The following CALN1 variants were observed in gnomAD, a reference collection of about 807,000 sequenced individuals.
CALN1 encodes calneuron 1.
In CALN1, 17 loss-of-function variants were observed where a neutral mutation model predicts 30.6. The ratio of observed to expected loss-of-function variants is 0.56; its 90% CI spans 0.38 to 0.83. The LOEUF (loss-of-function observed/expected upper bound fraction) is 0.83, where lower values mean the gene tolerates loss of function less well. CALN1 is among the 40% of genes least tolerant of loss of function. The pLI, the probability that CALN1 is intolerant of heterozygous loss-of-function variation, is 0.00. For synonymous variants in CALN1, 156 were observed against 131.4 expected, an observed-to-expected ratio of 1.19 and a Z score of -1.28; for missense variants, 291 against 354.9, an observed-to-expected ratio of 0.82 and a Z score of 1.45.
At chr7:72,339,421 C>CT (rs1802280405) in intron 2 of CALN1, among the ~76,000 whole-genome samples, 1 of 152,136 alleles carries the variant, frequency 6.6e-6, no homozygotes, top group African/African-American at 2.4e-5. Context: ...CTGAGTACCC[C>CT]TCCCCTACCC....
intron 5 of CALN1, among the ~76,000 whole-genome samples, chr7:71,878,878 G>A (rs1379736733): frequency 6.6e-6 from 1 of 152,216 alleles, no homozygotes; most frequent in Non-Finnish European, 1.5e-5. Flanking sequence ...AGCTCCAAGA[G>A]GAGCAGAAGA....
At chr7:72,096,036 C>T (rs1806194970) in intron 4 of CALN1, among the ~76,000 whole-genome samples, 1 of 134,972 alleles carries the variant, frequency 7.4e-6, no homozygotes, top group Non-Finnish European at 1.6e-5. Flanking sequence ...GAGACCTTGT[C>T]TCTAAAAGAT....
chr7:72,387,166 T>C (rs1471233854), intron 2 of CALN1, among the ~76,000 whole-genome samples: 4 of 137,664 alleles, frequency 2.9e-5, no homozygotes, highest in Non-Finnish European at 6.2e-5. Flanking sequence ...TCCATACTTA[T>C]GAAAATACAT....
At chr7:72,080,515 AT>A (rs1403873363) in intron 4 of CALN1, among the ~76,000 whole-genome samples, 1 of 152,142 alleles carries the variant, frequency 6.6e-6, no homozygotes, top group African/African-American at 2.4e-5. Context: ...TGTTCAACTA[AT>A]GTCTGTGGAA....
chr7:71,894,686 T>C (rs569816445), intron 5 of CALN1, among the ~76,000 whole-genome samples: 130 of 152,342 alleles, frequency 8.5e-4, no homozygotes, highest in African/African-American at 3.1e-3. Context: ...AGCACAATGA[T>C]CTATGCATTA....
chr7:72,207,637 C>T (rs542374484), intron 3 of CALN1, among the ~76,000 whole-genome samples: 1 of 152,222 alleles, frequency 6.6e-6, no homozygotes, highest in East Asian at 1.9e-4. Flanking sequence ...TTATATGTCT[C>T]CCCTGCCAAA....
At chr7:72,363,395 T>C (rs994040713) in intron 2 of CALN1, among the ~76,000 whole-genome samples, 3 of 152,064 alleles carry the variant, frequency 2.0e-5, no homozygotes, top group Admixed American at 1.3e-4. Flanking sequence ...GGCACCACCA[T>C]GTCCGGCTAA....
chr7:72,126,172 G>C (rs1374927720), intron 3 of CALN1, among the ~76,000 whole-genome samples: 1 of 152,066 alleles, frequency 6.6e-6, no homozygotes, highest in Admixed American at 6.5e-5. Flanking sequence ...ACAATGTTTG[G>C]TTTTCCATTC....
chr7:71,806,381 A>G (rs905917988), intron 6 of CALN1, among the ~76,000 whole-genome samples: 1 of 147,102 alleles, frequency 6.8e-6, no homozygotes, highest in African/African-American at 2.6e-5. Flanking sequence ...ATCTTGGTTC[A>G]CTGCAACCTC....
At chr7:72,098,501 T>G (rs10276411) in intron 4 of CALN1, among the ~76,000 whole-genome samples, 147 of 152,114 alleles carry the variant, frequency 9.7e-4, no homozygotes, top group African/African-American at 3.4e-3. Context: ...GCCAGGAACT[T>G]GAGACCAACC....
At chr7:71,827,665 A>G (rs1340401057) in intron 5 of CALN1, among the ~76,000 whole-genome samples, 8 of 151,886 alleles carry the variant, frequency 5.3e-5, no homozygotes, top group African/African-American at 1.9e-4. Flanking sequence ...CCAGCTACTC[A>G]GGAGGCTGAG....
At chr7:71,991,593 G>GA (rs966809096) in intron 5 of CALN1, among the ~76,000 whole-genome samples, 2 of 151,086 alleles carry the variant, frequency 1.3e-5, no homozygotes, top group Admixed American at 6.6e-5. Flanking sequence ...AAACAAATAA[G>GA]AAAAAAAAAT....
intron 5 of CALN1, among the ~76,000 whole-genome samples, chr7:71,967,625 C>CAA (rs761089148): frequency 8.5e-5 from 6 of 70,330 alleles, no homozygotes; most frequent in East Asian, 4.3e-4. Context: ...GACCCTGTTT[C>CAA]AAAAAAAAAA....
At chr7:71,937,067 G>A (rs919867541) in intron 5 of CALN1, among the ~76,000 whole-genome samples, 1 of 152,108 alleles carries the variant, frequency 6.6e-6, no homozygotes, top group East Asian at 1.9e-4. Flanking sequence ...GCATGAAAAT[G>A]GACTAATACA....
chr7:72,263,406 AT>A (rs1375837028), intron 3 of CALN1, among the ~76,000 whole-genome samples: 4 of 151,694 alleles, frequency 2.6e-5, no homozygotes, highest in African/African-American at 9.7e-5. Flanking sequence ...TTTTTATTTT[AT>A]TTTTTTTAAC....
At chr7:72,237,763 C>G (rs17581383) in intron 3 of CALN1, among the ~76,000 whole-genome samples, 30 of 152,254 alleles carry the variant, frequency 2.0e-4, no homozygotes, top group Non-Finnish European at 4.1e-4. Context: ...CTTCTAGCCC[C>G]TTCACAAATC....
chr7:72,296,249 G>A (rs1798844387), intron 2 of CALN1, among the ~76,000 whole-genome samples: 1 of 150,358 alleles, frequency 6.7e-6, no homozygotes, highest in Admixed American at 6.7e-5. Context: ...TTGATGTGCT[G>A]CTGGATTCAG....
intron 5 of CALN1, among the ~76,000 whole-genome samples, chr7:71,899,511 A>T (rs1793735763): frequency 6.6e-6 from 1 of 152,188 alleles, no homozygotes; most frequent in Admixed American, 6.5e-5. Context: ...AAAAACAGTA[A>T]GCATCACCAC....
At chr7:71,819,557 C>A (rs1292467342) in intron 5 of CALN1, among the ~76,000 whole-genome samples, 1 of 152,152 alleles carries the variant, frequency 6.6e-6, no homozygotes, top group East Asian at 1.9e-4. Context: ...CAGTGTCATA[C>A]AAACACCACA....
Sources: allele counts gnomAD v4.1 joint callset (sites outside exome capture counted in the v4.1 genomes callset), GRCh38; gene constraint gnomAD v4.1.1; transcripts MANE v1.5; gene names NCBI Gene and HGNC (gene_info 2026-07-23, HGNC 2026-07-21).